Variants in GLI4 observed in about 807,000 individuals in gnomAD.
GLI4 encodes the protein GLI family zinc finger 4.
A neutral mutation model predicts 30.9 loss-of-function variants in GLI4; 34 were observed. The ratio of observed to expected loss-of-function variants is 1.10; its 90% CI spans 0.84 to 1.47. The LOEUF (loss-of-function observed/expected upper bound fraction) is 1.47, where lower values mean the gene tolerates loss of function less well. Among genes scored for constraint, GLI4 ranks in the 40% most tolerant of loss-of-function variants. The probability of loss-of-function intolerance (pLI) is 0.00; values close to 1 mark genes in which losing one functional copy is unlikely to be tolerated. For missense variants in GLI4, 696 were observed against 538.9 expected, an observed-to-expected ratio of 1.29 and a Z score of -2.89; for synonymous variants, 277 against 236.7, an observed-to-expected ratio of 1.17 and a Z score of -1.56.
intron 2 of GLI4, 48 bp from the exon 3 acceptor site, chr8:143,274,656 G>A (rs1815344151): frequency 1.3e-6 from 2 of 1,508,478 alleles, no homozygotes; most frequent in South Asian, 1.2e-5. Context: ...AGGAGCGGAG[G>A]CAGTGGTCCA....
Position 143,275,991 on chromosome 8 carries a change from C to G in GLI4, c.318C>G (p.Ser106Arg). 1 of 1,402,968 alleles carries G rather than the reference C, an allele frequency of 7.1e-7. No homozygotes were observed. The highest frequency in any genetic ancestry group is 9.2e-7 in the Non-Finnish European group (1 of 1,081,818). 86.9% of individuals were successfully genotyped at this position (1,402,968 alleles called of 1,614,324 possible). ...GGGCGCTGCGCAGCCTCCTGAGGAG[C>G]CTTCCCCGCAGGGCCCGGTGCAGCG... is the stretch of plus-strand genomic sequence containing the variant. ...AGGALRSLLR[S>R]LPRRARCSAG... The change falls in exon 4 of 4, where the codon AGC becomes AGG. Residue 106 changes from serine (S) to arginine (R), a missense_variant. Transcript: ENST00000340042.
In GLI4 at chr8:143,276,324, C is replaced by T. The variant is rs754223234; in HGVS notation, c.651C>T (p.Gly217=). The T allele has an allele frequency of 6.2e-7, 1 of 1,611,758 alleles. No homozygotes were observed. Among genetic ancestry groups the T allele is most frequent in the South Asian group, 1.1e-5 (1 of 90,984 alleles). Residue 217 remains glycine (G), a synonymous_variant, in exon 4 of 4, where the codon GGC becomes GGT. Coordinates refer to ENST00000340042, the MANE Select transcript of GLI4 (RefSeq NM_138465.4). ...AGCCCTACGCCTGCCACGAGTGCGG[C>T]AAGCGCTTCCGCGGCTGGTCGGGCT... ...GEKPYACHEC[G]KRFRGWSGFI... is the part of the protein sequence containing the mutation.
Position 143,275,981 on chromosome 8 carries a change from T to C in GLI4, c.308T>C (p.Leu103Pro). The C allele has an allele frequency of 1.4e-6, 2 of 1,386,634 alleles. No homozygotes were observed. Among genetic ancestry groups the C allele is most frequent in the Non-Finnish European group, 1.9e-6 (2 of 1,073,256 alleles). 85.9% of individuals were successfully genotyped at this position (1,386,634 alleles called of 1,614,324 possible). ...GGGGCGGGCGGGGCGCTGCGCAGCCTCCTGAGGAGCCTTCCCCGCAGGGCC... is the reference window on the plus strand; with the variant it reads ...GGGGCGGGCGGGGCGCTGCGCAGCCCCCTGAGGAGCCTTCCCCGCAGGGCC... ...DEGAGGALRS[L>P]LRSLPRRARC... is the part of the protein sequence containing the mutation. The change falls in exon 4 of 4, where the codon CTC becomes CCC. Residue 103 changes from leucine (L) to proline (P), a missense_variant. Leu to Pro is a moderately conservative substitution (Grantham distance 98). Coordinates refer to ENST00000340042, the MANE Select transcript of GLI4 (RefSeq NM_138465.4).
At chr8:143,268,971 G>A (rs977445600) in intron 1 of GLI4, among the ~76,000 whole-genome samples, 3 of 151,952 alleles carry the variant, frequency 2.0e-5, no homozygotes, top group Non-Finnish European at 4.4e-5. Flanking sequence ...AGCTTCCCAA[G>A]TAGCTGGGAT....
Position 143,276,861 on chromosome 8 carries a change from G to A in GLI4, c.*57G>A. The A allele has an allele frequency of 9.1e-7, 1 of 1,103,500 alleles. No individual in the cohort carries two copies. Among genetic ancestry groups the A allele is most frequent in the Non-Finnish European group, 1.3e-6 (1 of 789,432 alleles). The allele number at this position is 1,103,500 out of a possible 1,614,324, so 68.4% of individuals were successfully genotyped here. A position where few individuals can be genotyped will look rare whatever the true frequency, so the allele number is the denominator to read the frequency against. ...CTGCCCCCAACCCACCCTCCACCCC[G>A]TCCCCCACGGTGGGCACTGCCCAGC... On this transcript the variant is annotated 3_prime_UTR_variant, in exon 4 of 4. Transcript: ENST00000340042.
rs1471059341 is a variant in GLI4, at chr8:143,276,418, A to C, written c.745A>C (p.Ser249Arg). The change falls in exon 4 of 4, where the codon AGC (serine) becomes CGC (arginine). Residue 249 changes from serine (S) to arginine (R), a missense_variant. Physicochemically the swap from Ser to Arg is moderately radical, Grantham distance 110. Transcript: ENST00000340042. Reference protein sequence around the residue: ...YECGQCGRAFSHSSHFTQHLR... With the variant: ...YECGQCGRAFRHSSHFTQHLR... Reference sequence around the variant, plus strand: ...GTGCGGCCAGTGCGGCCGCGCCTTCAGCCACAGCTCGCACTTCACGCAGCA... The same window carrying C: ...GTGCGGCCAGTGCGGCCGCGCCTTCCGCCACAGCTCGCACTTCACGCAGCA... 6.2e-7 allele frequency: 1 copy of C among 1,608,500 alleles called. No individual in the cohort carries two copies. The highest frequency in any genetic ancestry group is 8.5e-7 in the Non-Finnish European group (1 of 1,178,634).
chr8:143,274,677 G>T, intron 2 of GLI4, 27 bp from the exon 3 acceptor site: 3 of 1,534,972 alleles, frequency 2.0e-6, no homozygotes, highest in Non-Finnish European at 2.6e-6. Context: ...GAGGGTGGAG[G>T]TGAGCCCCAG....
chr8:143,271,900 C>T (rs543749138), intron 2 of GLI4, among the ~76,000 whole-genome samples: 1 of 152,248 alleles, frequency 6.6e-6, no homozygotes, highest in African/African-American at 2.4e-5. Flanking sequence ...GCGGTGGGAA[C>T]AGGCCACAGT....
rs761247603 is a variant in GLI4, at chr8:143,274,767, AG to A, written c.190del (p.Glu64LysfsTer41). 3 of 1,570,544 alleles carry A rather than the reference AG, an allele frequency of 1.9e-6. No individual in the cohort carries two copies. Among genetic ancestry groups the A allele is most frequent in the Non-Finnish European group, 1.7e-6 (2 of 1,155,712 alleles). On this transcript the variant is annotated frameshift_variant, in exon 3 of 4. Transcript: ENST00000340042. LOFTEE classifies it low-confidence loss of function (END_TRUNC). ...QPSDLDLQDV[E>X]EVEIGRDTFW... ...TCCGACCTGGATCTCCAAGACGTAGAGGAAGTGGAGATCGGCAGAGACACCT... is the reference window on the plus strand; with the variant it reads ...TCCGACCTGGATCTCCAAGACGTAGAGAAGTGGAGATCGGCAGAGACACCT...
At chr8:143,270,518 G>A (rs1254049112) in intron 2 of GLI4, among the ~76,000 whole-genome samples, 2 of 152,220 alleles carry the variant, frequency 1.3e-5, no homozygotes, top group East Asian at 3.8e-4. Flanking sequence ...TGGGCTGCCT[G>A]TCCTGGTGGA....
At chr8:143,267,709 C>T (rs1586724319) in intron 1 of GLI4, 2 of 985,374 alleles carry the variant, frequency 2.0e-6, no homozygotes, top group Non-Finnish European at 2.4e-6. Context: ...CTGGCGATAG[C>T]GGGTGTCCGT....
intron 3 of GLI4, 74 bp downstream of exon 3, chr8:143,274,876 G>C (rs1022750645): frequency 3.6e-5 from 55 of 1,507,386 alleles, no homozygotes; most frequent in Non-Finnish European, 4.4e-5. Flanking sequence ...GCCCACCTCT[G>C]TGGCACCCCC....
At chr8:143,269,710 G>A (rs1279432063) in intron 2 of GLI4, among the ~76,000 whole-genome samples, 190 bp downstream of exon 2, 1 of 152,234 alleles carries the variant, frequency 6.6e-6, no homozygotes, top group Non-Finnish European at 1.5e-5. Flanking sequence ...GGTTGGGGCA[G>A]CGGTGGTTGA....
chr8:143,272,495 T>A (rs1815292493), intron 2 of GLI4: 1 of 152,342 alleles, frequency 6.6e-6, no homozygotes, highest in Non-Finnish European at 1.5e-5. Context: ...CTGGTGTTTC[T>A]CCAGTTCGGG....
rs1331948604 is a variant in GLI4, at chr8:143,276,655, T to C, written c.982T>C (p.Cys328Arg). The C allele has an allele frequency of 6.2e-7, 1 of 1,612,168 alleles. No individual in the cohort carries two copies. Among genetic ancestry groups the C allele is most frequent in the African/African-American group, 1.3e-5 (1 of 74,800 alleles). The change falls in exon 4 of 4, where the codon TGC becomes CGC. Residue 328 changes from cysteine to arginine, a missense_variant. Transcript: ENST00000340042. ...TGEKPYECSD[C>R]GKAFRGRSHF... is the part of the protein sequence containing the mutation. The stretch of plus-strand genomic sequence containing the variant: ...CGAGAAGCCCTACGAGTGCTCCGAC[T>C]GCGGCAAAGCCTTCCGCGGCCGCTC...
chr8:143,275,087 C>T, intron 3 of GLI4: 1 of 1,535,640 alleles, frequency 6.5e-7, no homozygotes. Context: ...ATCAGGAACT[C>T]CTCCCTCCCC....
chr8:143,268,859 C>CTGTTGCTGCTGCTGCTGCTGCTGT (rs1554614972), intron 1 of GLI4, among the ~76,000 whole-genome samples: 16 of 149,498 alleles, frequency 1.1e-4, no homozygotes, highest in Admixed American at 1.1e-3. Context: ...GCTGCTGCTG[C>CTGTTGCTGCTGCTGCTGCTGCTGT]TGTTGTTTGA....
At position 143,276,141 on chromosome 8, in the gene GLI4, G is replaced by C; in HGVS notation, c.468G>C (p.Glu156Asp). 6.5e-7 allele frequency: 1 copy of C among 1,544,438 alleles called. No homozygotes were observed. The highest frequency in any genetic ancestry group is 1.2e-5 in the South Asian group (1 of 83,880). The change falls in exon 4 of 4, where the codon GAG becomes GAC. Residue 156 changes from glutamate to aspartate, a missense_variant. Physicochemically the swap from Glu to Asp is conservative, Grantham distance 45. Transcript: ENST00000340042. ...TGCAGCAAGCAGCGGCCGGGCCCGA[G>C]GGTGCGCCCGAGCGGGCTGCCGAGC... ...TLVQQAAAGP[E>D]GAPERAAELG...
In GLI4 at chr8:143,276,745, A is replaced by C. The variant is rs764763435; in HGVS notation, c.1072A>C (p.Lys358Gln). 1 of 1,607,732 alleles carries C rather than the reference A, an allele frequency of 6.2e-7. No individual in the cohort carries two copies. The highest frequency in any genetic ancestry group is 8.5e-7 in the Non-Finnish European group (1 of 1,177,816). ...EKPFACGACG[K>Q]AFGQSSQLIQ... ...GCCCTTCGCGTGTGGCGCCTGCGGC[A>C]AGGCCTTCGGCCAGAGCTCCCAGCT... Residue 358 changes from lysine to glutamine, a missense_variant, in exon 4 of 4, where the codon AAG (lysine) becomes CAG (glutamine). Coordinates refer to ENST00000340042, the MANE Select transcript of GLI4 (RefSeq NM_138465.4).
Sources: gnomAD v4.1 joint callset for allele counts (sites outside exome capture counted in the v4.1 genomes callset) on GRCh38, gnomAD v4.1.1 for gene constraint, MANE v1.5 for transcripts, NCBI Gene and HGNC (gene_info 2026-07-23, HGNC 2026-07-21) for gene names.